The following DLG2 variants were observed in gnomAD, a reference collection of about 807,000 sequenced individuals.
DLG2 encodes the protein disks large homolog 2.
Under a neutral mutation model 132.5 loss-of-function variants are expected in DLG2, and 45 were observed. The observed-to-expected ratio is 0.34, with a 90% CI of 0.27 to 0.44. The LOEUF (loss-of-function observed/expected upper bound fraction) is 0.44. Ranked by LOEUF, DLG2 falls within the 20% of genes least tolerant of loss-of-function variation. The probability of loss-of-function intolerance (pLI) is 1.00; values close to 1 mark genes in which losing one functional copy is unlikely to be tolerated. For synonymous variants in DLG2, 424 were observed against 419.6 expected, an observed-to-expected ratio of 1.01 and a Z score of -0.13; for missense variants, 1,045 against 1,196.9, an observed-to-expected ratio of 0.87 and a Z score of 1.87.
At chr11:83,769,822 C>T (rs1023147875) in intron 18 of DLG2, among the ~76,000 whole-genome samples, 3 of 152,024 alleles carry the variant, frequency 2.0e-5, no homozygotes, top group African/African-American at 7.2e-5. Context: ...ATCTCGGCCT[C>T]CCAAAGTGCT....
intron 6 of DLG2, among the ~76,000 whole-genome samples, chr11:84,535,373 A>G (rs181602202): frequency 2.0e-5 from 3 of 152,328 alleles, no homozygotes; most frequent in Non-Finnish European, 1.5e-5. Flanking sequence ...GCTCTTTTAA[A>G]GAACTTTAAA....
At chr11:85,136,084 A>G (rs147760897) in intron 5 of DLG2, among the ~76,000 whole-genome samples, 96 of 152,324 alleles carry the variant, frequency 6.3e-4, no homozygotes, top group African/African-American at 2.2e-3. Context: ...ATACCTTTAT[A>G]CAATCAGTTT....
chr11:84,126,168 G>A (rs190057964), intron 9 of DLG2, among the ~76,000 whole-genome samples: 60 of 152,280 alleles, frequency 3.9e-4, no homozygotes, highest in African/African-American at 1.3e-3. Flanking sequence ...GGAGTGAGAC[G>A]ATGATGAAGA....
chr11:85,464,151 A>C (rs1013176491), intron 3 of DLG2, among the ~76,000 whole-genome samples: 1 of 152,194 alleles, frequency 6.6e-6, no homozygotes, highest in Non-Finnish European at 1.5e-5. Context: ...TTTAGTTTCC[A>C]ACACTACATC....
chr11:85,430,848 C>CA (rs34643624), intron 3 of DLG2, among the ~76,000 whole-genome samples: 98,439 of 130,936 alleles, frequency 0.75, 36,824 homozygotes, highest in Middle Eastern at 0.85. Context: ...GCTAGCCAGT[C>CA]AAAAAAAAAA....
chr11:84,646,966 A>G (rs1565549451), intron 6 of DLG2, among the ~76,000 whole-genome samples: 1 of 152,182 alleles, frequency 6.6e-6, no homozygotes, highest in Non-Finnish European at 1.5e-5. Flanking sequence ...ATGTCTTTAT[A>G]TGTGACTTGT....
chr11:83,514,594 C>A (rs1565577709), intron 21 of DLG2, among the ~76,000 whole-genome samples: 1 of 152,188 alleles, frequency 6.6e-6, no homozygotes, highest in Non-Finnish European at 1.5e-5. Context: ...GAGAAGACAT[C>A]CCTGTCTTGT....
chr11:85,187,322 T>C (rs374782571), intron 4 of DLG2, among the ~76,000 whole-genome samples: 10 of 152,058 alleles, frequency 6.6e-5, no homozygotes, highest in African/African-American at 2.4e-4. Flanking sequence ...AATACCTATA[T>C]GAAAAGCCAA....
chr11:84,792,821 G>T (rs924084419), intron 6 of DLG2, among the ~76,000 whole-genome samples: 1 of 151,890 alleles, frequency 6.6e-6, no homozygotes, highest in Non-Finnish European at 1.5e-5. Context: ...TTTGCTCTTA[G>T]TCTGGATAAA....
chr11:84,158,709 C>A (rs1314991135), intron 9 of DLG2, among the ~76,000 whole-genome samples: 1 of 151,998 alleles, frequency 6.6e-6, no homozygotes, highest in Non-Finnish European at 1.5e-5. Context: ...GTGGCAAATA[C>A]CATAACTTAT....
At chr11:84,112,683 G>A (rs1162990398) in intron 9 of DLG2, among the ~76,000 whole-genome samples, 3 of 152,146 alleles carry the variant, frequency 2.0e-5, no homozygotes, top group African/African-American at 7.2e-5. Flanking sequence ...GGTAACATGC[G>A]ATTAACCAAC....
At chr11:83,602,385 T>C (rs1202316197) in intron 19 of DLG2, among the ~76,000 whole-genome samples, 3 of 152,244 alleles carry the variant, frequency 2.0e-5, no homozygotes, top group Non-Finnish European at 4.4e-5. Flanking sequence ...CGGCAGTGGA[T>C]GGCACCTAAT....
intron 17 of DLG2, among the ~76,000 whole-genome samples, chr11:83,822,816 G>A (rs752556870): frequency 6.6e-6 from 1 of 152,054 alleles, no homozygotes; most frequent in Non-Finnish European, 1.5e-5. Context: ...TCTGTTGTCT[G>A]GAGTCAAGAA....
At chr11:84,419,621 A>C (rs1013033959) in intron 7 of DLG2, among the ~76,000 whole-genome samples, 4 of 152,226 alleles carry the variant, frequency 2.6e-5, no homozygotes, top group Non-Finnish European at 5.9e-5. Flanking sequence ...GAACTAGACA[A>C]TAAATTATAT....
In DLG2 at chr11:84,749,983, A is replaced by T. The variant is rs563549449; in HGVS notation, c.358-215252T>A. 2.0e-5 allele frequency among the ~76,000 whole-genome samples: 3 copies of T among 152,300 alleles called. No individual in the cohort carries two copies. In the South Asian group the frequency reaches 6.2e-4, roughly 32 times the overall value. On this transcript the variant is annotated intron_variant, in intron 6 of 27. Transcript: ENST00000376104. ...GCCTAGCATATAGTAAGTTCTCAGC[A>T]AATATTTGTGTTTTTTAATGATTTC...
chr11:83,915,890 C>A (rs555897974), intron 15 of DLG2, among the ~76,000 whole-genome samples: 1 of 152,248 alleles, frequency 6.6e-6, no homozygotes, highest in East Asian at 1.9e-4. Context: ...TCTCCTAATT[C>A]CCATAGCCTC....
chr11:83,973,223 T>C (rs975603515), intron 12 of DLG2, among the ~76,000 whole-genome samples: 1 of 148,340 alleles, frequency 6.7e-6, no homozygotes, highest in Non-Finnish European at 1.5e-5. Context: ...AATATATTAG[T>C]GGCAACCTTT....
intron 17 of DLG2, among the ~76,000 whole-genome samples, chr11:83,810,864 G>A (rs1188824617): frequency 6.6e-6 from 1 of 152,054 alleles, no homozygotes; most frequent in Non-Finnish European, 1.5e-5. Context: ...TTCTTGAGGA[G>A]CTCAGTATAT....
rs140876029 is a variant in DLG2, at chr11:84,119,788, T to C, written c.625-20741A>G. 3.0e-3 allele frequency among the ~76,000 whole-genome samples: 456 copies of C among 152,312 alleles called. No individual in the cohort carries two copies. The Middle Eastern group carries it at 0.031, about 10-fold the overall frequency. On this transcript the variant is annotated intron_variant, in intron 9 of 27. Transcript: ENST00000376104. Reference sequence around the variant, plus strand: ...TTATATTTGGCTTAAAACATCTTATTAGTTACCTATAATAAGGCCCAACTT... The same window carrying C: ...TTATATTTGGCTTAAAACATCTTATCAGTTACCTATAATAAGGCCCAACTT...
Sources: gnomAD v4.1 joint callset for allele counts (sites outside exome capture counted in the v4.1 genomes callset) on GRCh38, gnomAD v4.1.1 for gene constraint, MANE v1.5 for transcripts, NCBI Gene and HGNC (gene_info 2026-07-23, HGNC 2026-07-21) for gene names.